GRIA1: variants seen among roughly 807,000 people sequenced by gnomAD.
GRIA1 encodes the protein glutamate receptor 1.
GRIA1 carries 31 observed loss-of-function variants against 99.2 expected under a neutral mutation model. That is an observed-to-expected ratio of 0.31 (90% CI 0.23 to 0.42). GRIA1 has a LOEUF of 0.42. Among genes scored for constraint, GRIA1 ranks in the 10% least tolerant of loss-of-function variants. GRIA1 has a pLI of 1.00. For synonymous variants in GRIA1, 438 were observed against 432.4 expected (o/e 1.01, Z -0.16); for missense variants, 782 against 1,157.5 (o/e 0.68, Z 4.71).
chr5:153,515,791 A>T (rs1174344467), intron 2 of GRIA1, among the ~76,000 whole-genome samples: 1 of 152,220 alleles, frequency 6.6e-6, no homozygotes, highest in Non-Finnish European at 1.5e-5. Context: ...GCTGAATCCC[A>T]CATGTCTCTG....
In GRIA1 at chr5:153,490,839, C is replaced by A; in HGVS notation, c.-50C>A. 1 of 1,362,758 alleles carries A rather than the reference C, an allele frequency of 7.3e-7. No homozygotes were observed. Among genetic ancestry groups the A allele is most frequent in the Non-Finnish European group, 1.1e-6 (1 of 950,590 alleles). 84.4% of individuals were successfully genotyped at this position (1,362,758 alleles called of 1,614,324 possible). ...AATAAAGGGAAAGGGGGGGAAACACCAAATCTATGATTGGACCTGGGCTTC... is the reference window on the plus strand; with the variant it reads ...AATAAAGGGAAAGGGGGGGAAACACAAAATCTATGATTGGACCTGGGCTTC... On this transcript the variant is annotated 5_prime_UTR_variant, in exon 1 of 16. Transcript: ENST00000285900.
rs1367139964 is a variant in GRIA1, at chr5:153,504,834, G to T, written c.220+10769G>T. Among the ~76,000 whole-genome samples, 2 of 152,040 alleles carry T rather than the reference G, an allele frequency of 1.3e-5. 1 individual carries two copies. Among genetic ancestry groups the T allele is most frequent in the African/African-American group, 4.8e-5 (2 of 41,402 alleles). On this transcript the variant is annotated intron_variant, in intron 2 of 15. Transcript: ENST00000285900. ...CTGTAAAATGTTTGGTGATCCTGAGGCACCAATACTCTGTCCCAGTGACCA... is the reference window on the plus strand; with the variant it reads ...CTGTAAAATGTTTGGTGATCCTGAGTCACCAATACTCTGTCCCAGTGACCA...
chr5:153,500,514 C>T (rs1339070534), intron 2 of GRIA1, among the ~76,000 whole-genome samples: 2 of 151,864 alleles, frequency 1.3e-5, no homozygotes, highest in African/African-American at 2.4e-5. Flanking sequence ...TGATTTTCCT[C>T]TTAAGGGGCT....
chr5:153,765,970 G>A lies in GRIA1; in HGVS notation c.2022+1338G>A, dbSNP rs574832891. ...CGCTGCCATATTGCCTCAGGCAAAA[G>A]AGAAGGGATCCTGTACAGACTCACC... is the stretch of plus-strand genomic sequence containing the variant. On this transcript the variant is annotated intron_variant, in intron 12 of 15. Transcript: ENST00000285900. 1.7e-4 allele frequency among the ~76,000 whole-genome samples: 26 copies of A among 152,348 alleles called. No homozygotes were observed. In the East Asian group the frequency reaches 4.4e-3, roughly 26 times the overall value.
At chr5:153,556,149 A>G (rs1194354083) in intron 2 of GRIA1, among the ~76,000 whole-genome samples, 2 of 152,256 alleles carry the variant, frequency 1.3e-5, no homozygotes, top group East Asian at 3.9e-4. Context: ...CTGGGTTTGA[A>G]CCTTTGTTAT....
At chr5:153,787,002 G>T (rs987621777) in intron 13 of GRIA1, among the ~76,000 whole-genome samples, 1 of 152,172 alleles carries the variant, frequency 6.6e-6, no homozygotes, top group Non-Finnish European at 1.5e-5. Flanking sequence ...GAAACTCAAG[G>T]TTTCGAAGGC....
At chr5:153,723,616 T>C (rs1760254708) in intron 11 of GRIA1, among the ~76,000 whole-genome samples, 1 of 152,192 alleles carries the variant, frequency 6.6e-6, no homozygotes, top group Non-Finnish European at 1.5e-5. Context: ...CGGAGGGTCC[T>C]ACCCCCACGG....
chr5:153,642,716 T>C (rs1422895), intron 2 of GRIA1, among the ~76,000 whole-genome samples: 62,804 of 151,646 alleles, frequency 0.41, 13,995 homozygotes, highest in Non-Finnish European at 0.5. Context: ...GCAAATACTG[T>C]GTTTCATCCC....
chr5:153,555,741 A>G (rs1296330585), intron 2 of GRIA1, among the ~76,000 whole-genome samples: 1 of 152,234 alleles, frequency 6.6e-6, no homozygotes, highest in African/African-American at 2.4e-5. Context: ...AATTTCAGTC[A>G]GTCTGACAGA....
At chr5:153,735,010 G>T (rs1055726869) in intron 11 of GRIA1, among the ~76,000 whole-genome samples, 1 of 152,060 alleles carries the variant, frequency 6.6e-6, no homozygotes, top group African/African-American at 2.4e-5. Context: ...CACAACTTGG[G>T]GATGGGAGCT....
intron 2 of GRIA1, among the ~76,000 whole-genome samples, chr5:153,549,434 T>G (rs1759916838): frequency 6.6e-6 from 1 of 151,978 alleles, no homozygotes; most frequent in Non-Finnish European, 1.5e-5. Context: ...AGCCATAAAT[T>G]TAAACTCTGA....
At chr5:153,627,031 C>T (rs1030672969) in intron 2 of GRIA1, among the ~76,000 whole-genome samples, 10 of 152,190 alleles carry the variant, frequency 6.6e-5, no homozygotes, top group Admixed American at 1.3e-4. Flanking sequence ...AACTTAACTA[C>T]AGCTATTCTT....
intron 2 of GRIA1, among the ~76,000 whole-genome samples, chr5:153,610,993 C>G (rs1765934354): frequency 6.6e-6 from 1 of 152,158 alleles, no homozygotes; most frequent in African/African-American, 2.4e-5. Context: ...TTCAAACAGG[C>G]TGTCCAACTT....
chr5:153,756,442 C>G (rs1304536808), intron 11 of GRIA1, among the ~76,000 whole-genome samples: 1 of 152,226 alleles, frequency 6.6e-6, no homozygotes, highest in East Asian at 1.9e-4. Flanking sequence ...CCTGGCCATA[C>G]AGGAAACTGC....
At chr5:153,796,474 C>T (rs1244113036) in intron 14 of GRIA1, among the ~76,000 whole-genome samples, 1 of 152,162 alleles carries the variant, frequency 6.6e-6, no homozygotes, top group Non-Finnish European at 1.5e-5. Context: ...TATTAAATTA[C>T]AGTCACCTTT....
intron 13 of GRIA1, among the ~76,000 whole-genome samples, chr5:153,789,318 C>CATAT (rs70978507): frequency 0.052 from 7,627 of 147,476 alleles, 191 homozygotes; most frequent in Middle Eastern, 0.1. Flanking sequence ...TTTGATATTA[C>CATAT]ATATATATAT....
intron 2 of GRIA1, among the ~76,000 whole-genome samples, chr5:153,515,287 T>G (rs1054694005): frequency 3.9e-5 from 6 of 152,156 alleles, no homozygotes; most frequent in Non-Finnish European, 7.4e-5. Context: ...GAAATACTAC[T>G]GAGACTTTAA....
intron 11 of GRIA1, among the ~76,000 whole-genome samples, chr5:153,731,151 A>G (rs571949220): frequency 3.3e-5 from 5 of 151,986 alleles, no homozygotes; most frequent in East Asian, 1.9e-4. Flanking sequence ...TTAATGTATC[A>G]TTCGAACCCT....
At chr5:153,498,355 C>T (rs766723974) in intron 2 of GRIA1, among the ~76,000 whole-genome samples, 8 of 152,160 alleles carry the variant, frequency 5.3e-5, no homozygotes, top group Admixed American at 2.6e-4. Flanking sequence ...TTAGCTTCAC[C>T]ACCAGAATAT....
Sources: allele counts gnomAD v4.1 joint callset (sites outside exome capture counted in the v4.1 genomes callset), GRCh38; gene constraint gnomAD v4.1.1; transcripts MANE v1.5; gene names NCBI Gene and HGNC (gene_info 2026-07-23, HGNC 2026-07-21).